Variants in CCDC192 observed in about 807,000 individuals in gnomAD.
CCDC192 encodes the protein coiled-coil domain-containing protein 192.
chr5:127,741,687 C>T (rs1447410863), intron 2 of CCDC192, among the ~76,000 whole-genome samples: 1 of 152,142 alleles, frequency 6.6e-6, no homozygotes, highest in African/African-American at 2.4e-5. Context: ...ATTCAGGACT[C>T]CTCTAGCCCA....
chr5:127,863,600 A>G (rs529354269), intron 5 of CCDC192, among the ~76,000 whole-genome samples: 1 of 152,346 alleles, frequency 6.6e-6, no homozygotes, highest in African/African-American at 2.4e-5. Context: ...CAGTTTTGCA[A>G]GATGAAAACT....
At chr5:127,923,444 C>A (rs1753781750) in intron 6 of CCDC192, among the ~76,000 whole-genome samples, 1 of 150,684 alleles carries the variant, frequency 6.6e-6, no homozygotes, top group Non-Finnish European at 1.5e-5. Flanking sequence ...GTGGTGCCAT[C>A]TTGGCTCACT....
chr5:127,851,979 G>A (rs1319107370), intron 5 of CCDC192, among the ~76,000 whole-genome samples: 1 of 152,140 alleles, frequency 6.6e-6, no homozygotes, highest in African/African-American at 2.4e-5. Flanking sequence ...AAATATTTAT[G>A]GTAATGAAAA....
chr5:127,706,736 A>G (rs1750987710), intron 1 of CCDC192, among the ~76,000 whole-genome samples: 1 of 152,188 alleles, frequency 6.6e-6, no homozygotes, highest in Admixed American at 6.5e-5. Flanking sequence ...TTCAGTTGGG[A>G]GATGACACAA....
chr5:127,810,620 G>A (rs934201220), intron 5 of CCDC192, among the ~76,000 whole-genome samples: 12 of 152,150 alleles, frequency 7.9e-5, no homozygotes, highest in Admixed American at 2.6e-4. Context: ...AAACAAAAGC[G>A]CATCCATGGA....
At chr5:127,721,852 C>T (rs563371112) in intron 2 of CCDC192, among the ~76,000 whole-genome samples, 6 of 152,114 alleles carry the variant, frequency 3.9e-5, no homozygotes, top group South Asian at 2.1e-4. Context: ...AGAGAGAAAG[C>T]GGGGAGGTGC....
chr5:127,773,219 G>T (rs151276127), intron 3 of CCDC192, among the ~76,000 whole-genome samples: 2 of 152,188 alleles, frequency 1.3e-5, no homozygotes, highest in African/African-American at 4.8e-5. Flanking sequence ...TCAATGAGTG[G>T]ATGTAATGCT....
intron 6 of CCDC192, among the ~76,000 whole-genome samples, chr5:127,909,854 C>T (rs1753298210): frequency 2.6e-5 from 4 of 152,220 alleles, no homozygotes; most frequent in Admixed American, 2.6e-4. Context: ...TATTTTAATT[C>T]TTAAGGGAGA....
intron 5 of CCDC192, among the ~76,000 whole-genome samples, chr5:127,841,640 G>C (rs751887716): frequency 4.6e-5 from 7 of 152,124 alleles, no homozygotes; most frequent in Non-Finnish European, 8.8e-5. Flanking sequence ...CTGGAGTGGG[G>C]AGGCCCTGTG....
intron 2 of CCDC192, among the ~76,000 whole-genome samples, chr5:127,720,178 T>C (rs548227642): frequency 2.8e-3 from 421 of 152,314 alleles, no homozygotes; most frequent in Non-Finnish European, 4.2e-3. Context: ...CCTATGAGTA[T>C]GTAAAATCAA....
At chr5:127,752,099 C>G (rs1259225353) in intron 2 of CCDC192, among the ~76,000 whole-genome samples, 1 of 152,306 alleles carries the variant, frequency 6.6e-6, no homozygotes, top group Non-Finnish European at 1.5e-5. Context: ...TCGTCTGAAG[C>G]CTTCTTCCCT....
intron 5 of CCDC192, among the ~76,000 whole-genome samples, chr5:127,800,399 A>AAAAAAAAAAAAAAAAAAAAAAAAAAAAAG (rs1561495809): frequency 9.2e-6 from 1 of 109,252 alleles, no homozygotes; most frequent in Non-Finnish European, 1.8e-5. Flanking sequence ...AAAAAAAAAA[A>AAAAAAAAAAAAAAAAAAAAAAAAAAAAAG]AACAACAACA....
chr5:127,753,795 CAT>C (rs1318586672), intron 2 of CCDC192, among the ~76,000 whole-genome samples: 53 of 151,686 alleles, frequency 3.5e-4, no homozygotes, highest in Admixed American at 1.3e-3. Context: ...GATTCTAAAA[CAT>C]GTGGTATCTT....
Position 127,827,317 on chromosome 5 carries a change from A to T in CCDC192, c.411+29155A>T, listed in dbSNP as rs534918295. ...CCCATTTGGTCTGTCAAGATATTAG[A>T]TCTTGGTAGCAAACTTCAAAGGGCA... On this transcript the variant is annotated intron_variant, in intron 5 of 6. Transcript: ENST00000514853. Among the ~76,000 whole-genome samples, 198 of 152,294 alleles carry T rather than the reference A, an allele frequency of 1.3e-3. 1 individual carries two copies. Among genetic ancestry groups the T allele is most frequent in the African/African-American group, 4.7e-3 (195 of 41,554 alleles).
chr5:127,792,993 C>T (rs986954144), intron 3 of CCDC192, among the ~76,000 whole-genome samples: 9 of 152,166 alleles, frequency 5.9e-5, no homozygotes, highest in African/African-American at 9.7e-5. Context: ...TTTCAAGCTA[C>T]TATAACAAAA....
chr5:127,729,185 G>T (rs1387915921), intron 2 of CCDC192, among the ~76,000 whole-genome samples: 6 of 151,966 alleles, frequency 3.9e-5, no homozygotes, highest in African/African-American at 1.5e-4. Flanking sequence ...GGGAATACAG[G>T]CATGAGCCAC....
In CCDC192 at chr5:127,707,718, T is replaced by C. The variant is rs1751053562; in HGVS notation, c.72T>C (p.Ser24=). 1 of 398,548 alleles carries C rather than the reference T, an allele frequency of 2.5e-6. No individual in the cohort carries two copies. The allele number at this position is 398,548 out of a possible 1,614,324, so 24.7% of individuals were successfully genotyped here. Residue 24 remains serine (S), a synonymous_variant, in exon 2 of 7, where the codon TCT becomes TCC. Coordinates refer to ENST00000514853, the MANE Select transcript of CCDC192 (RefSeq NM_001317938.2). The part of the protein sequence containing the change: ...SDTSERSSMT[S]GSSESDIPQE... ...GTTTACTTTTTTTCAGCATGACGTC[T>C]GGAAGTTCAGAGTCAGATATACCAC...
At chr5:127,745,346 T>C (rs1001372340) in intron 2 of CCDC192, among the ~76,000 whole-genome samples, 2 of 152,208 alleles carry the variant, frequency 1.3e-5, no homozygotes, top group African/African-American at 4.8e-5. Context: ...GAAAATAATA[T>C]GCAAATTTTC....
At chr5:127,853,901 A>G (rs1185643641) in intron 5 of CCDC192, among the ~76,000 whole-genome samples, 1 of 152,128 alleles carries the variant, frequency 6.6e-6, no homozygotes, top group Admixed American at 6.5e-5. Context: ...GGTGTTGTGT[A>G]CTTCCAAAGA....
Sources: gnomAD v4.1 joint callset for allele counts (sites outside exome capture counted in the v4.1 genomes callset) on GRCh38, gnomAD v4.1.1 for gene constraint, MANE v1.5 for transcripts, NCBI Gene and HGNC (gene_info 2026-07-23, HGNC 2026-07-21) for gene names.